The following DENND4A variants were observed in gnomAD, a reference collection of about 807,000 sequenced individuals.
The protein encoded by DENND4A is C-myc promoter-binding protein.
Under a neutral mutation model 199.3 loss-of-function variants are expected in DENND4A, and 70 were observed. The ratio of observed to expected loss-of-function variants is 0.35; its 90% CI spans 0.29 to 0.43. The LOEUF is 0.43. DENND4A is among the 20% of genes least tolerant of loss of function. The pLI is 1.00. For synonymous variants in DENND4A, 686 were observed against 766.9 expected (o/e 0.89, Z 1.74); for missense variants, 1,723 against 2,255.8 (o/e 0.76, Z 4.78).
intron 11 of DENND4A, among the ~76,000 whole-genome samples, chr15:65,723,651 C>T (rs1170144787): frequency 6.6e-6 from 1 of 152,054 alleles, no homozygotes; most frequent in African/African-American, 2.4e-5. Flanking sequence ...CCCATATTTA[C>T]TATGTTTTTT....
chr15:65,667,739 A>C (rs751580307), intron 28 of DENND4A, 36 bp from the exon 29 acceptor site: 9 of 1,582,074 alleles, frequency 5.7e-6, no homozygotes, highest in Non-Finnish European at 7.7e-6. Context: ...TGGCAAATGC[A>C]AAATAATACT....
At chr15:65,769,624 T>C (rs2077077197) in intron 1 of DENND4A, among the ~76,000 whole-genome samples, 1 of 152,206 alleles carries the variant, frequency 6.6e-6, no homozygotes, top group Non-Finnish European at 1.5e-5. Flanking sequence ...TACTCGTCAT[T>C]TTAAAAAACC....
chr15:65,720,953 A>ATATATATATATATATATATATATG (rs2075610482), intron 12 of DENND4A, among the ~76,000 whole-genome samples: 1 of 32,414 alleles, frequency 3.1e-5, no homozygotes, highest in Non-Finnish European at 7.9e-5. Context: ...TTGATTATAT[A>ATATATATATATATATATATATATG]TATATATATA....
rs552084412 is a variant in DENND4A, at chr15:65,674,942, G to C, written c.4369+1503C>G. ...GATAAAGTAAGATTGGTTATTGGTT[G>C]ATAATTATTGAAGTTGGTGATGGAT... On this transcript the variant is annotated intron_variant, in intron 24 of 32. Transcript: ENST00000443035. Among the ~76,000 whole-genome samples the C allele has an allele frequency of 9.9e-5, 15 of 152,280 alleles. No individual in the cohort carries two copies. The South Asian group carries it at 3.1e-3, about 32-fold the overall frequency.
At position 65,731,719 on chromosome 15, in the gene DENND4A, T is replaced by C; in HGVS notation, c.1108-19A>G. The stretch of plus-strand genomic sequence containing the variant: ...GTGATAACTGGAAGAAGATTTAAAA[T>C]AAAGAATTTGAAACATAAAGATGAA... On this transcript the variant is annotated intron_variant, in intron 8 of 32. Transcript: ENST00000443035. 1 of 1,528,590 alleles carries C rather than the reference T, an allele frequency of 6.5e-7. No homozygotes were observed. Among genetic ancestry groups the C allele is most frequent in the South Asian group, 1.2e-5 (1 of 80,700 alleles). 94.7% of individuals were successfully genotyped at this position (1,528,590 alleles called of 1,614,324 possible). A position where few individuals can be genotyped will look rare whatever the true frequency, so the allele number is the denominator to read the frequency against.
chr15:65,670,848 C>T (rs959403751), intron 25 of DENND4A, among the ~76,000 whole-genome samples: 30 of 152,140 alleles, frequency 2.0e-4, no homozygotes, highest in African/African-American at 6.8e-4. Flanking sequence ...TGTTCATCAT[C>T]TATGTTTTGG....
intron 1 of DENND4A, among the ~76,000 whole-genome samples, chr15:65,789,683 A>G (rs2077663494): frequency 6.6e-6 from 1 of 152,222 alleles, no homozygotes; most frequent in South Asian, 2.1e-4. Context: ...AGAACAACGC[A>G]CCATCAATTT....
intron 23 of DENND4A, among the ~76,000 whole-genome samples, chr15:65,683,170 G>A (rs995286218): frequency 5.9e-5 from 9 of 151,998 alleles, no homozygotes; most frequent in Admixed American, 4.6e-4. Context: ...TTTGTGTAGA[G>A]CAGTAAAGCA....
At position 65,730,355 on chromosome 15, in the gene DENND4A, T is replaced by C. The variant is rs143015491; in HGVS notation, c.1167-677A>G. On this transcript the variant is annotated intron_variant, in intron 9 of 32. Transcript: ENST00000443035. ...GTTTATATAATGCTAAACAACTAGT[T>C]TCACTGGAATAATCTTTTAAATAAA... 2.0e-5 allele frequency among the ~76,000 whole-genome samples: 3 copies of C among 152,226 alleles called. No homozygotes were observed. In the East Asian group the frequency reaches 5.8e-4, roughly 29 times the overall value.
intron 1 of DENND4A, among the ~76,000 whole-genome samples, chr15:65,761,729 CA>C (rs1423750836): frequency 6.6e-6 from 1 of 151,678 alleles, no homozygotes; most frequent in Non-Finnish European, 1.5e-5. Flanking sequence ...AATAAGGGTA[CA>C]AAAGAGGAAA....
At chr15:65,689,168 T>C (rs535490246) in intron 23 of DENND4A, among the ~76,000 whole-genome samples, 47 of 152,352 alleles carry the variant, frequency 3.1e-4, no homozygotes, top group African/African-American at 1.1e-3. Context: ...AATTTAGGTT[T>C]GATTATTTTT....
At chr15:65,748,512 G>T (rs1237191310) in intron 4 of DENND4A, among the ~76,000 whole-genome samples, 1 of 151,548 alleles carries the variant, frequency 6.6e-6, no homozygotes, top group African/African-American at 2.4e-5. Flanking sequence ...TCAGTTATTT[G>T]GGAGGCTGAA....
At chr15:65,719,241 A>G (rs1031084411) in intron 12 of DENND4A, 45 of 152,416 alleles carry the variant, frequency 3.0e-4, no homozygotes, top group African/African-American at 1.1e-3. Context: ...TTGAAAACAG[A>G]CTTTTAAAAA....
At position 65,670,022 on chromosome 15, in the gene DENND4A, C is replaced by A; in HGVS notation, c.4631G>T (p.Arg1544Leu). ...FLNIEIRDLRRPGRYFLKSSP... is the reference protein window; with the variant it reads ...FLNIEIRDLRLPGRYFLKSSP... ...AAAAAAATATCATTACCTTCCAGGTCGTCTTAAATCTCTTATTTCTATATT... is the reference window on the plus strand; with the variant it reads ...AAAAAAATATCATTACCTTCCAGGTAGTCTTAAATCTCTTATTTCTATATT... Residue 1544 changes from arginine to leucine, a missense_variant, in exon 26 of 33, where the codon CGA becomes CTA. Arg to Leu is a moderately radical substitution (Grantham distance 102). Around this residue, in one of 6 missense-constraint regions of DENND4A, gnomAD observed 141 missense variants for 170.7 expected, o/e 0.83. Coordinates refer to ENST00000443035, the MANE Select transcript of DENND4A (RefSeq NM_001320835.1). 6.3e-7 allele frequency: 1 copy of A among 1,590,704 alleles called. No homozygotes were observed. Among genetic ancestry groups the A allele is most frequent in the Non-Finnish European group, 8.6e-7 (1 of 1,166,862 alleles).
At chr15:65,682,492 G>C (rs2076613729) in intron 23 of DENND4A, among the ~76,000 whole-genome samples, 1 of 152,120 alleles carries the variant, frequency 6.6e-6, no homozygotes, top group East Asian at 1.9e-4. Flanking sequence ...GCCTTGCTCT[G>C]GATTAGGCTT....
At chr15:65,739,424 T>TA (rs1322221788) in intron 5 of DENND4A, among the ~76,000 whole-genome samples, 2 of 152,212 alleles carry the variant, frequency 1.3e-5, no homozygotes, top group Non-Finnish European at 2.9e-5. Context: ...TATATGAAGA[T>TA]AGAGTTTTAA....
chr15:65,717,356 T>G (rs1412620247), intron 13 of DENND4A, among the ~76,000 whole-genome samples: 1 of 152,218 alleles, frequency 6.6e-6, no homozygotes, highest in East Asian at 1.9e-4. Flanking sequence ...GAAATATTTG[T>G]AAATATTTGT....
chr15:65,703,114 A>G (rs1274724661), intron 15 of DENND4A, 106 bp from the exon 16 acceptor site: 2 of 988,274 alleles, frequency 2.0e-6, no homozygotes, highest in Non-Finnish European at 2.9e-6. Flanking sequence ...TTCTTCACAT[A>G]GAATTTAACT....
intron 23 of DENND4A, among the ~76,000 whole-genome samples, chr15:65,683,853 A>C (rs1488855846): frequency 6.6e-6 from 1 of 152,234 alleles, no homozygotes; most frequent in Non-Finnish European, 1.5e-5. Flanking sequence ...TTACCACCCC[A>C]GTAAGATACC....
Sources: allele counts gnomAD v4.1 joint callset (sites outside exome capture counted in the v4.1 genomes callset), GRCh38; gene constraint gnomAD v4.1.1; regional missense constraint gnomAD v4.1.1; transcripts MANE v1.5; gene names NCBI Gene and HGNC (gene_info 2026-07-23, HGNC 2026-07-21).